The following FRMD4A variants were observed in gnomAD, a reference collection of about 807,000 sequenced individuals.
FRMD4A encodes FERM domain-containing protein 4A.
FRMD4A carries 29 observed loss-of-function variants against 129.1 expected under a neutral mutation model. The ratio of observed to expected loss-of-function variants is 0.22; its 90% confidence interval spans 0.17 to 0.31. The LOEUF is 0.31. Among genes scored for constraint, FRMD4A ranks in the 10% least tolerant of loss-of-function variants. The pLI is 1.00. For missense variants in FRMD4A, 1,272 were observed against 1,375.8 expected, an observed-to-expected ratio of 0.92 and a Z score of 1.19; for synonymous variants, 634 against 571.6, an observed-to-expected ratio of 1.11 and a Z score of -1.56.
chr10:13,757,988 C>A (rs906145250), intron 8 of FRMD4A, among the ~76,000 whole-genome samples: 1 of 152,242 alleles, frequency 6.6e-6, no homozygotes, highest in African/African-American at 2.4e-5. Context: ...AGGTGATTCA[C>A]CTGCCTTGGC....
At chr10:14,297,160 T>G (rs11259002) in intron 2 of FRMD4A, among the ~76,000 whole-genome samples, 3,936 of 151,484 alleles carry the variant, frequency 0.026, 130 homozygotes, top group East Asian at 0.1. Context: ...TCTTAGAAAG[T>G]TCAAGAAGAT....
At chr10:14,005,258 G>A (rs182772124) in intron 2 of FRMD4A, among the ~76,000 whole-genome samples, 245 of 152,190 alleles carry the variant, frequency 1.6e-3, no homozygotes, top group Non-Finnish European at 2.7e-3. Context: ...TCCTGACCTC[G>A]TGATCCGACC....
At chr10:13,778,634 T>TGTGTGTGTGTG (rs1564787421) in intron 6 of FRMD4A, among the ~76,000 whole-genome samples, 2 of 151,318 alleles carry the variant, frequency 1.3e-5, no homozygotes, top group East Asian at 2.0e-4. Context: ...TGTGTGTGTG[T>TGTGTGTGTGTG]TAAGGTTTAA....
chr10:13,807,976 T>C (rs774798118), intron 4 of FRMD4A, among the ~76,000 whole-genome samples: 4 of 152,140 alleles, frequency 2.6e-5, no homozygotes, highest in Non-Finnish European at 5.9e-5. Context: ...TTTTTGTATT[T>C]TTAGTAGAGA....
At chr10:13,794,937 G>C (rs1017887625) in intron 5 of FRMD4A, among the ~76,000 whole-genome samples, 1 of 152,198 alleles carries the variant, frequency 6.6e-6, no homozygotes, top group African/African-American at 2.4e-5. Context: ...GATTTGGAAA[G>C]ATCTGTGTAT....
chr10:14,287,134 A>G (rs1317451879), intron 2 of FRMD4A, among the ~76,000 whole-genome samples: 1 of 107,316 alleles, frequency 9.3e-6, no homozygotes, highest in African/African-American at 4.6e-5. Context: ...GCTCTTTGAC[A>G]GGCCCCCCGC....
At chr10:13,960,724 C>T (rs543589744) in intron 2 of FRMD4A, among the ~76,000 whole-genome samples, 30 of 152,310 alleles carry the variant, frequency 2.0e-4, no homozygotes, top group Non-Finnish European at 3.7e-4. Context: ...ACCTGCACTT[C>T]CCAGTCTGTG....
intron 2 of FRMD4A, among the ~76,000 whole-genome samples, chr10:13,917,313 C>T (rs1359023247): frequency 3.7e-5 from 5 of 136,834 alleles, no homozygotes; most frequent in Non-Finnish European, 7.6e-5. Flanking sequence ...GATGGAGACT[C>T]GCTTTGTCGC....
chr10:13,652,027 G>C lies in FRMD4A; in HGVS notation c.3051-53C>G, dbSNP rs185736161. The stretch of plus-strand genomic sequence containing the variant: ...GAGAAGAGAGGTCATGTTACAGAGA[G>C]ACACTGACACAGACACAGACACGAT... On this transcript the variant is annotated intron_variant, in intron 23 of 24. Coordinates refer to ENST00000357447, the MANE Select transcript of FRMD4A (RefSeq NM_018027.5). 4.1e-5 allele frequency: 38 copies of C among 930,080 alleles called. No homozygotes were observed. In the African/African-American group the frequency reaches 4.4e-4, roughly 11 times the overall value. The allele number at this position is 930,080 out of a possible 1,614,324, so 57.6% of individuals were successfully genotyped here. A position where few individuals can be genotyped will look rare whatever the true frequency, so the allele number is the denominator to read the frequency against.
chr10:14,167,586 C>T (rs1180347602), intron 2 of FRMD4A, among the ~76,000 whole-genome samples: 1 of 142,290 alleles, frequency 7.0e-6, no homozygotes, highest in Non-Finnish European at 1.5e-5. Context: ...AATAAGAACA[C>T]GATATAGTGG....
chr10:13,961,004 G>A (rs2095442936), intron 2 of FRMD4A, among the ~76,000 whole-genome samples: 1 of 152,198 alleles, frequency 6.6e-6, no homozygotes, highest in South Asian at 2.1e-4. Context: ...TTAAATCACT[G>A]AAATTTCCAA....
chr10:14,202,928 C>T (rs1429643430), intron 2 of FRMD4A, among the ~76,000 whole-genome samples: 1 of 152,240 alleles, frequency 6.6e-6, no homozygotes, highest in East Asian at 1.9e-4. Flanking sequence ...CAGGCACCAC[C>T]AAGCCTGGCT....
At chr10:13,864,338 C>CAAAAAAAAAAAAA (rs149602938) in intron 2 of FRMD4A, among the ~76,000 whole-genome samples, 4 of 114,652 alleles carry the variant, frequency 3.5e-5, no homozygotes, top group Admixed American at 9.6e-5. Context: ...CATCTTGAGT[C>CAAAAAAAAAAAAA]AAAAAAAAAA....
intron 13 of FRMD4A, among the ~76,000 whole-genome samples, chr10:13,705,053 G>A (rs1348267389): frequency 6.6e-6 from 1 of 152,306 alleles, no homozygotes; most frequent in East Asian, 1.9e-4. Flanking sequence ...CAGCATGGGC[G>A]ACAGAATGAG....
chr10:13,779,563 G>A (rs11258603), intron 6 of FRMD4A, among the ~76,000 whole-genome samples: 42,576 of 152,048 alleles, frequency 0.28, 6,933 homozygotes, highest in East Asian at 0.51. Context: ...ACCCAGGTAA[G>A]AGGTAGAACT....
chr10:13,671,548 C>T (rs74940533), intron 16 of FRMD4A, among the ~76,000 whole-genome samples: 9,339 of 152,198 alleles, frequency 0.061, 669 homozygotes, highest in African/African-American at 0.17. Flanking sequence ...TTTTGGGCCC[C>T]GGAAATCTAC....
intron 2 of FRMD4A, among the ~76,000 whole-genome samples, chr10:14,010,818 C>A (rs562495535): frequency 6.6e-6 from 1 of 152,018 alleles, no homozygotes; most frequent in East Asian, 1.9e-4. Flanking sequence ...CCAAGTATTT[C>A]TTTCCATTGT....
intron 2 of FRMD4A, among the ~76,000 whole-genome samples, chr10:14,150,735 G>C (rs1014007481): frequency 6.6e-6 from 1 of 152,022 alleles, no homozygotes; most frequent in Non-Finnish European, 1.5e-5. Context: ...ATCCCAGGAG[G>C]TTTCCTAGGA....
intron 2 of FRMD4A, among the ~76,000 whole-genome samples, chr10:14,261,490 CAAATT>C (rs1265503358): frequency 6.6e-6 from 1 of 152,144 alleles, no homozygotes. Context: ...TCTGAGGACT[CAAATT>C]AAAGCTGCCA....
Sources: allele counts gnomAD v4.1 joint callset (sites outside exome capture counted in the v4.1 genomes callset), GRCh38; gene constraint gnomAD v4.1.1; transcripts MANE v1.5; gene names NCBI Gene and HGNC (gene_info 2026-07-23, HGNC 2026-07-21).